MCCC1: variants seen among roughly 807,000 people sequenced by gnomAD.
MCCC1 encodes the protein methylcrotonoyl-CoA carboxylase subunit alpha, mitochondrial.
Under a neutral mutation model 83.8 loss-of-function variants are expected in MCCC1, and 64 were observed. The observed-to-expected ratio is 0.76, with a 90% CI of 0.62 to 0.94. The LOEUF is 0.94. MCCC1 is among the 40% of genes least tolerant of loss of function. The pLI is 0.00. For synonymous variants in MCCC1, 322 were observed against 315.4 expected (o/e 1.02, Z -0.22); for missense variants, 807 against 904.7 (o/e 0.89, Z 1.39).
intron 1 of MCCC1, among the ~76,000 whole-genome samples, chr3:183,108,877 T>A (rs1456787977): frequency 1.3e-5 from 2 of 152,206 alleles, no homozygotes; most frequent in Non-Finnish European, 2.9e-5. Flanking sequence ...CCCAAAGGAA[T>A]GACCCATTAC....
intron 1 of MCCC1, among the ~76,000 whole-genome samples, chr3:183,114,913 C>A (rs1478644520): frequency 6.6e-6 from 1 of 152,124 alleles, no homozygotes; most frequent in African/African-American, 2.4e-5. Context: ...CATCCACAGT[C>A]CTGCAAACCA....
chr3:183,097,693 A>C (rs1432661581), intron 1 of MCCC1, among the ~76,000 whole-genome samples: 2 of 152,168 alleles, frequency 1.3e-5, no homozygotes, highest in Non-Finnish European at 2.9e-5. Context: ...GCATGAACCA[A>C]GTCTCCTGGC....
In MCCC1 at chr3:183,050,608, G is replaced by A. The variant is rs571239238; in HGVS notation, c.955+1551C>T. Among the ~76,000 whole-genome samples the A allele has an allele frequency of 3.8e-4, 58 of 151,074 alleles. 1 individual carries two copies. The highest frequency in any genetic ancestry group is 1.4e-3 in the African/African-American group (58 of 41,110). Reference sequence around the variant, plus strand: ...GTAATCCCAGCTACTCAGGGGGCTGGGACAGGAGAATCATTTGAACCTGGG... The same window carrying A: ...GTAATCCCAGCTACTCAGGGGGCTGAGACAGGAGAATCATTTGAACCTGGG... On this transcript the variant is annotated intron_variant, in intron 9 of 18. Coordinates refer to ENST00000265594, the MANE Select transcript of MCCC1 (RefSeq NM_020166.5).
chr3:183,020,342 G>T, intron 16 of MCCC1, 105 bp from the exon 17 acceptor site: 1 of 964,872 alleles, frequency 1.0e-6, no homozygotes, highest in Non-Finnish European at 1.6e-6. Flanking sequence ...TTAAATATTA[G>T]TCATCATGGC....
chr3:183,070,866 C>T (rs1716616493), intron 7 of MCCC1, 133 bp downstream of exon 7: 4 of 1,097,584 alleles, frequency 3.6e-6, no homozygotes, highest in South Asian at 3.0e-5. Context: ...GTGGTTACAT[C>T]ACAGGACAGA....
At chr3:183,071,626 C>A (rs898269740) in intron 5 of MCCC1, among the ~76,000 whole-genome samples, 1 of 152,046 alleles carries the variant, frequency 6.6e-6, no homozygotes, top group Admixed American at 6.5e-5. Context: ...AATAGAATTT[C>A]TCTATGTCAC....
intron 1 of MCCC1, among the ~76,000 whole-genome samples, chr3:183,109,078 G>A (rs1439939143): frequency 6.6e-6 from 1 of 151,994 alleles, no homozygotes; most frequent in Non-Finnish European, 1.5e-5. Context: ...TACAACCTCC[G>A]CCTCCTGGAT....
At chr3:183,045,374 C>T (rs764325471) in intron 10 of MCCC1, 39 bp downstream of exon 10, 2 of 1,611,616 alleles carry the variant, frequency 1.2e-6, no homozygotes, top group Admixed American at 3.3e-5. Context: ...GCCACCGCAC[C>T]CAGCCAAGGC....
chr3:183,079,511 C>T (rs1459229469), intron 4 of MCCC1, among the ~76,000 whole-genome samples: 1 of 152,234 alleles, frequency 6.6e-6, no homozygotes, highest in East Asian at 1.9e-4. Flanking sequence ...TTCCCATGGT[C>T]TTGGGCAGCT....
At chr3:183,097,847 G>A (rs966669154) in intron 1 of MCCC1, among the ~76,000 whole-genome samples, 4 of 152,118 alleles carry the variant, frequency 2.6e-5, no homozygotes, top group African/African-American at 7.2e-5. Context: ...AGCCCTGGAG[G>A]CCTAAGAAAA....
intron 4 of MCCC1, among the ~76,000 whole-genome samples, chr3:183,084,244 A>G (rs978114478): frequency 2.0e-5 from 3 of 152,238 alleles, no homozygotes; most frequent in African/African-American, 7.2e-5. Context: ...CCTGCTGTCC[A>G]TGGACCACAC....
At chr3:183,084,594 T>G (rs1717753507) in intron 4 of MCCC1, among the ~76,000 whole-genome samples, 1 of 152,166 alleles carries the variant, frequency 6.6e-6, no homozygotes, top group Non-Finnish European at 1.5e-5. Context: ...AAGAGATACA[T>G]CAATACAAAA....
At chr3:183,109,671 T>C (rs1050557860) in intron 1 of MCCC1, among the ~76,000 whole-genome samples, 15 of 152,220 alleles carry the variant, frequency 9.9e-5, no homozygotes, top group African/African-American at 2.9e-4. Context: ...GGCACCTAGG[T>C]TGACTGCATG....
chr3:183,025,222 A>G (rs1712491327), intron 15 of MCCC1, among the ~76,000 whole-genome samples: 1 of 152,234 alleles, frequency 6.6e-6, no homozygotes, highest in African/African-American at 2.4e-5. Flanking sequence ...AGTTCTGGAG[A>G]TGGATGGTTG....
intron 4 of MCCC1, 24 bp downstream of exon 4, chr3:183,086,669 T>C (rs1181860023): frequency 6.2e-7 from 1 of 1,608,254 alleles, no homozygotes; most frequent in Non-Finnish European, 8.5e-7. Flanking sequence ...CCTTTTGCAC[T>C]GCAAATCTCT....
intron 18 of MCCC1, chr3:183,017,008 T>G: frequency 1.9e-6 from 1 of 514,782 alleles, no homozygotes. Flanking sequence ...TAACATTCAG[T>G]TGGATTATCG....
At position 183,094,617 on chromosome 3, in the gene MCCC1, A is replaced by G. The variant is rs754332704; in HGVS notation, c.90-12T>C. On this transcript the variant is annotated splice_polypyrimidine_tract_variant and intron_variant, in intron 1 of 18. Coordinates refer to ENST00000265594, the MANE Select transcript of MCCC1 (RefSeq NM_020166.5). ...TCCACACCCATGTCCTATAACATAA[A>G]TCCAAAAGGAATTACAATTAAACAG... 6.2e-7 allele frequency: 1 copy of G among 1,612,990 alleles called. No individual in the cohort carries two copies. Among genetic ancestry groups the G allele is most frequent in the South Asian group, 1.1e-5 (1 of 91,056 alleles).
Position 183,052,236 on chromosome 3 carries a change from C to G in MCCC1, c.878G>C (p.Gly293Ala). ...CTTTTTTCTTACTTCAGATTTAATA[C>G]CAGGCTATGAAAAAAATATGTAAAT... is the stretch of plus-strand genomic sequence containing the variant. ...QKIIEEAPAP[G>A]IKSEVRKKLG... The change falls in exon 9 of 19, where the codon GGT becomes GCT. Residue 293 changes from glycine (G) to alanine (A), a missense_variant. Coordinates refer to ENST00000265594, the MANE Select transcript of MCCC1 (RefSeq NM_020166.5). 1.2e-6 allele frequency: 2 copies of G among 1,613,494 alleles called. No homozygotes were observed. The highest frequency in any genetic ancestry group is 1.7e-6 in the Non-Finnish European group (2 of 1,179,594).
chr3:183,062,399 G>A (rs763552288), intron 7 of MCCC1, among the ~76,000 whole-genome samples: 3 of 138,066 alleles, frequency 2.2e-5, no homozygotes, highest in Non-Finnish European at 4.5e-5. Flanking sequence ...CTGTTGCCCA[G>A]GCTGGAGTGT....
Sources: allele counts gnomAD v4.1 joint callset (sites outside exome capture counted in the v4.1 genomes callset), GRCh38; gene constraint gnomAD v4.1.1; transcripts MANE v1.5; gene names NCBI Gene and HGNC (gene_info 2026-07-23, HGNC 2026-07-21).